MAP3K7: variants seen among roughly 807,000 people sequenced by gnomAD.
The protein encoded by MAP3K7 is mitogen-activated protein kinase kinase kinase 7.
In MAP3K7, 21 loss-of-function variants were observed where a neutral mutation model predicts 84.8. The observed-to-expected ratio is 0.25, with a 90% CI of 0.18 to 0.36. MAP3K7 has a LOEUF of 0.36. MAP3K7 is among the 10% of genes least tolerant of loss of function. MAP3K7 has a pLI of 1.00. For missense variants in MAP3K7, 503 were observed against 747.7 expected (o/e 0.67, Z 3.82); for synonymous variants, 241 against 247.7 (o/e 0.97, Z 0.25).
intron 13 of MAP3K7, among the ~76,000 whole-genome samples, chr6:90,530,793 C>A (rs1201422955): frequency 6.6e-6 from 1 of 152,024 alleles, no homozygotes; most frequent in African/African-American, 2.4e-5. Context: ...ATCTGACAAT[C>A]AATGAAAAAA....
chr6:90,573,290 T>A (rs1776966138), intron 1 of MAP3K7, among the ~76,000 whole-genome samples: 1 of 152,170 alleles, frequency 6.6e-6, no homozygotes, highest in South Asian at 2.1e-4. Flanking sequence ...GGAGGAACTT[T>A]TACTTTAGAC....
rs201605822 is a variant in MAP3K7 at position 90,566,490 on chromosome 6, G to T, written c.297+2068C>A. 3.3e-5 allele frequency among the ~76,000 whole-genome samples: 5 copies of T among 152,194 alleles called. No homozygotes were observed. The East Asian group carries it at 9.6e-4, about 29-fold the overall frequency. ...GCTTCAAAGAGAATAAAATACCTAG[G>T]AATCCAACTTACAAGGGATGTGAAG... On this transcript the variant is annotated intron_variant, in intron 3 of 16. Coordinates refer to ENST00000369329, the MANE Select transcript of MAP3K7 (RefSeq NM_145331.3).
chr6:90,577,971 T>A (rs1283018212), intron 1 of MAP3K7, among the ~76,000 whole-genome samples: 1 of 152,178 alleles, frequency 6.6e-6, no homozygotes, highest in Admixed American at 6.5e-5. Flanking sequence ...TGTGGAAGCT[T>A]TCCACAGCAC....
At chr6:90,557,449 T>C (rs2127977231) in intron 5 of MAP3K7, among the ~76,000 whole-genome samples, 1 of 152,330 alleles carries the variant, frequency 6.6e-6, no homozygotes, top group Admixed American at 6.5e-5. Context: ...TTTAGTCCAA[T>C]GTGACTAAAA....
intron 1 of MAP3K7, among the ~76,000 whole-genome samples, chr6:90,580,303 G>A (rs548718991): frequency 1.3e-5 from 2 of 152,250 alleles, no homozygotes; most frequent in South Asian, 4.1e-4. Context: ...AGACATACTG[G>A]CAACTGAGGT....
intron 1 of MAP3K7, among the ~76,000 whole-genome samples, chr6:90,575,469 G>C (rs1238014328): frequency 1.3e-5 from 2 of 152,160 alleles, no homozygotes; most frequent in African/African-American, 4.8e-5. Flanking sequence ...AAGCTTCAAA[G>C]GAGTAAGGAT....
intron 13 of MAP3K7, among the ~76,000 whole-genome samples, chr6:90,526,613 C>T (rs1003658227): frequency 6.6e-6 from 1 of 151,676 alleles, no homozygotes; most frequent in African/African-American, 2.4e-5. Context: ...GAAACACTGA[C>T]AATTTATAAG....
At chr6:90,560,874 A>T (rs1776490529) in intron 4 of MAP3K7, among the ~76,000 whole-genome samples, 1 of 152,186 alleles carries the variant, frequency 6.6e-6, no homozygotes, top group South Asian at 2.1e-4. Flanking sequence ...TACAAGAGAG[A>T]GGCAGAGAAC....
At chr6:90,527,062 G>A (rs1299849407) in intron 13 of MAP3K7, among the ~76,000 whole-genome samples, 3 of 152,250 alleles carry the variant, frequency 2.0e-5, no homozygotes, top group East Asian at 1.9e-4. Flanking sequence ...AAAAAGTTTA[G>A]TTTATCCAAC....
intron 7 of MAP3K7, among the ~76,000 whole-genome samples, chr6:90,552,934 T>C (rs1776226620): frequency 1.3e-5 from 2 of 152,180 alleles, no homozygotes; most frequent in African/African-American, 4.8e-5. Context: ...TTAACCTCTC[T>C]AGGCCTCAGT....
intron 14 of MAP3K7, among the ~76,000 whole-genome samples, chr6:90,522,536 G>C (rs554309632): frequency 6.6e-6 from 1 of 152,108 alleles, no homozygotes; most frequent in South Asian, 2.1e-4. Flanking sequence ...CACTGGGGAG[G>C]AGCAAGTCTA....
chr6:90,549,194 A>C (rs1776100758), intron 9 of MAP3K7, among the ~76,000 whole-genome samples: 1 of 152,136 alleles, frequency 6.6e-6, no homozygotes, highest in Non-Finnish European at 1.5e-5. Flanking sequence ...AAGAAAGCAG[A>C]GTAGATGGGC....
At chr6:90,542,706 C>T (rs1384423452) in intron 12 of MAP3K7, among the ~76,000 whole-genome samples, 1 of 151,994 alleles carries the variant, frequency 6.6e-6, no homozygotes, top group Non-Finnish European at 1.5e-5. Flanking sequence ...ATAATTTCAT[C>T]CGATAACCTA....
chr6:90,526,535 T>C (rs1582165931), intron 13 of MAP3K7, among the ~76,000 whole-genome samples: 1 of 152,054 alleles, frequency 6.6e-6, no homozygotes, highest in South Asian at 2.1e-4. Context: ...ATGCTAATAC[T>C]TGGGGATGTG....
intron 11 of MAP3K7, among the ~76,000 whole-genome samples, chr6:90,545,178 C>T (rs1046221824): frequency 1.3e-5 from 2 of 151,838 alleles, no homozygotes; most frequent in Non-Finnish European, 2.9e-5. Context: ...TTTCTAGTAC[C>T]AAATATTTAT....
At chr6:90,549,157 G>A (rs1303835940) in intron 9 of MAP3K7, among the ~76,000 whole-genome samples, 1 of 152,140 alleles carries the variant, frequency 6.6e-6, no homozygotes, top group Non-Finnish European at 1.5e-5. Flanking sequence ...TTGGCCAGAA[G>A]TATGGATAGT....
chr6:90,582,031 T>G (rs916053173), intron 1 of MAP3K7, among the ~76,000 whole-genome samples: 1 of 152,224 alleles, frequency 6.6e-6, no homozygotes, highest in Non-Finnish European at 1.5e-5. Flanking sequence ...ATAGCTTTGT[T>G]CCTACACTAT....
At chr6:90,520,146 ACAGACTT>A (rs534348801) in intron 14 of MAP3K7, among the ~76,000 whole-genome samples, 110 of 152,148 alleles carry the variant, frequency 7.2e-4, no homozygotes, top group African/African-American at 2.1e-3. Flanking sequence ...CTGAAGCAAT[ACAGACTT>A]TTCTACTTCA....
At chr6:90,581,575 T>C (rs553274608) in intron 1 of MAP3K7, among the ~76,000 whole-genome samples, 5 of 152,356 alleles carry the variant, frequency 3.3e-5, no homozygotes, top group African/African-American at 1.2e-4. Flanking sequence ...TGCAGTCTTT[T>C]AATACCTGCC....
Sources: allele counts gnomAD v4.1 joint callset (sites outside exome capture counted in the v4.1 genomes callset), GRCh38; gene constraint gnomAD v4.1.1; transcripts MANE v1.5; gene names NCBI Gene and HGNC (gene_info 2026-07-23, HGNC 2026-07-21).